The following PCSK2 variants were observed in gnomAD, a reference collection of about 807,000 sequenced individuals.
PCSK2 encodes neuroendocrine convertase 2.
A neutral mutation model predicts 69.7 loss-of-function variants in PCSK2; 14 were observed. The ratio of observed to expected loss-of-function variants is 0.20; its 90% CI spans 0.13 to 0.31. PCSK2 has a LOEUF of 0.31. Ranked by LOEUF, PCSK2 falls within the 10% of genes least tolerant of loss-of-function variation. The pLI is 1.00. For missense variants in PCSK2, 544 were observed against 842.5 expected (o/e 0.65, Z 4.39); for synonymous variants, 307 against 320.7 (o/e 0.96, Z 0.46).
intron 1 of PCSK2, among the ~76,000 whole-genome samples, chr20:17,249,455 C>T (rs2043912680): frequency 2.1e-5 from 3 of 142,046 alleles, no homozygotes; most frequent in Admixed American, 7.6e-5. Flanking sequence ...TGCAGTGAGC[C>T]GAGATCGCGC....
chr20:17,440,491 G>A (rs2032573187), intron 8 of PCSK2, among the ~76,000 whole-genome samples: 1 of 152,188 alleles, frequency 6.6e-6, no homozygotes, highest in Non-Finnish European at 1.5e-5. Context: ...TGTGATGACT[G>A]AGCCACACGC....
intron 2 of PCSK2, among the ~76,000 whole-genome samples, chr20:17,295,076 A>G (rs1014719397): frequency 6.6e-6 from 1 of 151,928 alleles, no homozygotes; most frequent in African/African-American, 2.4e-5. Context: ...TCTTTTTCCT[A>G]TCTCTTGTTT....
intron 2 of PCSK2, among the ~76,000 whole-genome samples, chr20:17,346,012 CA>C (rs1990641897): frequency 6.6e-6 from 1 of 152,136 alleles, no homozygotes; most frequent in Non-Finnish European, 1.5e-5. Context: ...AATGAAACTG[CA>C]GAACTTCTTC....
upstream of PCSK2, among the ~76,000 whole-genome samples, chr20:17,226,604 C>T (rs1363504703): frequency 6.6e-6 from 1 of 151,838 alleles, no homozygotes; most frequent in Non-Finnish European, 1.5e-5. Context: ...AGGCCGGCGC[C>T]CCTGCTCCCC....
At chr20:17,405,371 C>A (rs922992082) in intron 5 of PCSK2, among the ~76,000 whole-genome samples, 1 of 152,186 alleles carries the variant, frequency 6.6e-6, no homozygotes, top group African/African-American at 2.4e-5. Context: ...GTATGGATGG[C>A]AGTGCCAGGG....
intron 2 of PCSK2, among the ~76,000 whole-genome samples, chr20:17,336,860 G>T (rs1268867445): frequency 6.6e-6 from 1 of 152,196 alleles, no homozygotes; most frequent in African/African-American, 2.4e-5. Context: ...GTGCATTTCG[G>T]AGGCTGGGGT....
At chr20:17,433,812 T>TCTCTCTCCCCC (rs774361715) in intron 7 of PCSK2, among the ~76,000 whole-genome samples, 3 of 104,172 alleles carry the variant, frequency 2.9e-5, no homozygotes, top group African/African-American at 8.2e-5. Flanking sequence ...TCTCTCTCTC[T>TCTCTCTCCCCC]CCCCCCACTT....
chr20:17,347,860 GAGGAGAGA>G (rs1568612150), intron 2 of PCSK2, among the ~76,000 whole-genome samples: 3 of 88,588 alleles, frequency 3.4e-5, no homozygotes, highest in Admixed American at 1.2e-4. Flanking sequence ...AAGAAAGAAA[GAGGAGAGA>G]GAAAAAAGAA....
chr20:17,243,925 G>T (rs1181853359), intron 1 of PCSK2, among the ~76,000 whole-genome samples: 1 of 152,150 alleles, frequency 6.6e-6, no homozygotes, highest in Non-Finnish European at 1.5e-5. Context: ...CATGCAACAT[G>T]TGATCTTGGA....
chr20:17,292,173 T>C (rs1568587709), intron 2 of PCSK2, among the ~76,000 whole-genome samples: 1 of 152,080 alleles, frequency 6.6e-6, no homozygotes, highest in Non-Finnish European at 1.5e-5. Flanking sequence ...ATTCATAGAG[T>C]CCTCACTCCA....
At chr20:17,277,856 C>G (rs6111483) in intron 2 of PCSK2, among the ~76,000 whole-genome samples, 1,937 of 152,054 alleles carry the variant, frequency 0.013, 45 homozygotes, top group African/African-American at 0.044. Context: ...CTACAATGAA[C>G]TCCAACAAAT....
intron 11 of PCSK2, among the ~76,000 whole-genome samples, chr20:17,473,743 A>T (rs2033244240): frequency 1.3e-5 from 2 of 152,218 alleles, no homozygotes; most frequent in Admixed American, 1.3e-4. Context: ...CAGCCAAAAA[A>T]ACCTGACCTG....
intron 2 of PCSK2, among the ~76,000 whole-genome samples, chr20:17,333,833 G>A (rs147108199): frequency 8.7e-5 from 13 of 149,214 alleles, no homozygotes; most frequent in Middle Eastern, 3.4e-3. Flanking sequence ...GCTAAGAACC[G>A]TGCTAGCACA....
chr20:17,407,309 C>T (rs1005590378), intron 5 of PCSK2, among the ~76,000 whole-genome samples: 2 of 152,270 alleles, frequency 1.3e-5, no homozygotes, highest in Non-Finnish European at 1.5e-5. Context: ...AGTGGCCACT[C>T]GTGCTGGATT....
intron 2 of PCSK2, among the ~76,000 whole-genome samples, chr20:17,345,670 C>T (rs1048198116): frequency 1.3e-5 from 2 of 152,194 alleles, no homozygotes; most frequent in African/African-American, 2.4e-5. Flanking sequence ...TCAGAACATG[C>T]ACAAATCAGA....
At chr20:17,400,201 T>C (rs2031603170) in intron 5 of PCSK2, among the ~76,000 whole-genome samples, 2 of 152,236 alleles carry the variant, frequency 1.3e-5, no homozygotes, top group Admixed American at 6.5e-5. Context: ...ACTGATGTTC[T>C]AGGAAGTAAA....
rs530867179 is a variant in PCSK2 at position 17,399,582 on chromosome 20, G to A, written c.544-9681G>A. Among the ~76,000 whole-genome samples, 9 of 152,288 alleles carry A rather than the reference G, an allele frequency of 5.9e-5. No individual in the cohort carries two copies. In the East Asian group the frequency reaches 9.7e-4, roughly 16 times the overall value. On this transcript the variant is annotated intron_variant, in intron 5 of 11. Coordinates refer to ENST00000262545, the MANE Select transcript of PCSK2 (RefSeq NM_002594.5). Reference sequence around the variant, plus strand: ...TAAGAAGAAGGATTAACAAGTATACGGAGGTGTTAAAGCCATGGGGGCACT... The same window carrying A: ...TAAGAAGAAGGATTAACAAGTATACAGAGGTGTTAAAGCCATGGGGGCACT...
At chr20:17,429,576 A>C (rs2032323011) in intron 7 of PCSK2, 53 bp downstream of exon 7, 4 of 1,191,054 alleles carry the variant, frequency 3.4e-6, no homozygotes, top group African/African-American at 1.5e-5. Context: ...ACTGATCTCA[A>C]GGCTGACTGT....
intron 11 of PCSK2, among the ~76,000 whole-genome samples, chr20:17,472,615 G>A (rs1012299887): frequency 6.6e-6 from 1 of 152,064 alleles, no homozygotes; most frequent in Non-Finnish European, 1.5e-5. Context: ...GGCCCAGGCT[G>A]GAGTGCAGTG....
Sources: allele counts gnomAD v4.1 joint callset (sites outside exome capture counted in the v4.1 genomes callset), GRCh38; gene constraint gnomAD v4.1.1; transcripts MANE v1.5; gene names NCBI Gene and HGNC (gene_info 2026-07-23, HGNC 2026-07-21).